GLI2: variants seen among roughly 807,000 people sequenced by gnomAD.
GLI2 encodes transcription activator GLI2.
GLI2 carries 22 observed loss-of-function variants against 78.9 expected under a neutral mutation model. That is an observed-to-expected ratio of 0.28 (90% CI 0.20 to 0.40). GLI2 has a LOEUF of 0.40. Among genes scored for constraint, GLI2 ranks in the 10% least tolerant of loss-of-function variants. GLI2 has a pLI of 1.00. For synonymous variants in GLI2, 974 were observed against 963.7 expected (o/e 1.01, Z -0.20); for missense variants, 2,097 against 2,213.2 (o/e 0.95, Z 1.05).
At chr2:120,870,567 A>G (rs561399778) in intron 2 of GLI2, among the ~76,000 whole-genome samples, 1 of 152,252 alleles carries the variant, frequency 6.6e-6, no homozygotes, top group African/African-American at 2.4e-5. Context: ...TGCCAGTGAC[A>G]CCTGCCGGAA....
At chr2:120,919,908 G>T (rs1679286093) in intron 2 of GLI2, among the ~76,000 whole-genome samples, 1 of 152,218 alleles carries the variant, frequency 6.6e-6, no homozygotes, top group South Asian at 2.1e-4. Context: ...TCCTTCCCGG[G>T]CCCACAAGCT....
chr2:120,971,735 G>A (rs931539603), intron 7 of GLI2, among the ~76,000 whole-genome samples: 1 of 152,220 alleles, frequency 6.6e-6, no homozygotes, highest in Non-Finnish European at 1.5e-5. Flanking sequence ...AGAGATGGGG[G>A]TTGGCATGCC....
chr2:120,972,599 G>A, intron 8 of GLI2: 1 of 516,724 alleles, frequency 1.9e-6, no homozygotes, highest in Admixed American at 1.9e-5. Flanking sequence ...CTCCCTGTCT[G>A]CACTCTAAGC....
intron 3 of GLI2, among the ~76,000 whole-genome samples, chr2:120,940,365 C>A (rs1208437804): frequency 6.6e-6 from 1 of 152,142 alleles, no homozygotes; most frequent in Non-Finnish European, 1.5e-5. Flanking sequence ...AGCCTCTGGA[C>A]TATAGTGGTT....
intron 5 of GLI2, among the ~76,000 whole-genome samples, chr2:120,963,913 C>A (rs1181705699): frequency 6.6e-6 from 1 of 152,234 alleles, no homozygotes; most frequent in Admixed American, 6.5e-5. Context: ...TGAGTAAGTG[C>A]TGTGTTTAGG....
intron 2 of GLI2, among the ~76,000 whole-genome samples, chr2:120,860,109 G>C (rs541241496): frequency 6.6e-6 from 1 of 152,300 alleles, no homozygotes; most frequent in East Asian, 1.9e-4. Flanking sequence ...TCCTGGCTGT[G>C]GTGTGAGGGT....
At position 120,846,110 on chromosome 2, in the gene GLI2, G is replaced by C. The variant is rs563730067; in HGVS notation, c.148+48642G>C. On this transcript the variant is annotated intron_variant, in intron 2 of 13. Coordinates refer to ENST00000361492, the MANE Select transcript of GLI2 (RefSeq NM_001374353.1). ...ACCTACTCGTGTGTTGTCATTTGTGGAGTGGGCCTGGTTTAGATCTCCCCC... is the reference window on the plus strand; with the variant it reads ...ACCTACTCGTGTGTTGTCATTTGTGCAGTGGGCCTGGTTTAGATCTCCCCC... Among the ~76,000 whole-genome samples, 312 of 152,294 alleles carry C rather than the reference G, an allele frequency of 2.0e-3. 1 individual carries two copies. Among genetic ancestry groups the C allele is most frequent in the African/African-American group, 7.1e-3 (296 of 41,566 alleles).
Position 120,760,543 on chromosome 2 carries a change from T to G in GLI2, c.-31+24258T>G, listed in dbSNP as rs149060633. On this transcript the variant is annotated intron_variant, in intron 1 of 13. Transcript: ENST00000361492. The stretch of plus-strand genomic sequence containing the variant: ...TTGTATGTAGAGACATATGTTTAGA[T>G]GTTTCTGGGGAGGTGACCACATTTG... Among the ~76,000 whole-genome samples, 475 of 152,262 alleles carry G rather than the reference T, an allele frequency of 3.1e-3. 1 individual carries two copies. Among genetic ancestry groups the G allele is most frequent in the African/African-American group, 0.011 (446 of 41,534 alleles).
At chr2:120,969,499 G>A (rs898952562) in intron 6 of GLI2, among the ~76,000 whole-genome samples, 1 of 152,250 alleles carries the variant, frequency 6.6e-6, no homozygotes, top group African/African-American at 2.4e-5. Context: ...CAACGACCTG[G>A]AGATGGAAGG....
chr2:120,782,556 G>A (rs1683879518), intron 1 of GLI2, among the ~76,000 whole-genome samples: 1 of 152,244 alleles, frequency 6.6e-6, no homozygotes, highest in Admixed American at 6.5e-5. Context: ...TTCAGATGCA[G>A]TATGCACCAC....
intron 2 of GLI2, among the ~76,000 whole-genome samples, chr2:120,917,326 T>G (rs1336054440): frequency 6.6e-6 from 1 of 152,272 alleles, no homozygotes; most frequent in Non-Finnish European, 1.5e-5. Context: ...CTGTTGAGAC[T>G]GGGGAGTCAT....
intron 2 of GLI2, among the ~76,000 whole-genome samples, chr2:120,811,414 G>A (rs1305405905): frequency 6.6e-6 from 1 of 152,188 alleles, no homozygotes; most frequent in Non-Finnish European, 1.5e-5. Flanking sequence ...AGTGCTCCCT[G>A]AGAAGTGCCA....
chr2:120,830,505 C>T (rs998547837), intron 2 of GLI2, among the ~76,000 whole-genome samples: 2 of 152,242 alleles, frequency 1.3e-5, no homozygotes, highest in Admixed American at 6.5e-5. Flanking sequence ...CAGACATACA[C>T]GGATGCCCAC....
At chr2:120,950,390 T>C (rs1680918226) in intron 3 of GLI2, among the ~76,000 whole-genome samples, 1 of 152,006 alleles carries the variant, frequency 6.6e-6, no homozygotes, top group African/African-American at 2.4e-5. Context: ...AGTTTTGGAG[T>C]AGATTACCTC....
chr2:120,746,041 C>T (rs943196057), intron 1 of GLI2, among the ~76,000 whole-genome samples: 3 of 152,184 alleles, frequency 2.0e-5, no homozygotes, highest in Non-Finnish European at 4.4e-5. Context: ...GCCCCTGGGC[C>T]CGTAGGACCT....
chr2:120,908,371 C>T (rs943462435), intron 2 of GLI2, among the ~76,000 whole-genome samples: 1 of 152,188 alleles, frequency 6.6e-6, no homozygotes, highest in Admixed American at 6.5e-5. Flanking sequence ...CCTCGCCTCC[C>T]CTCTGGTGGG....
chr2:120,740,266 C>T (rs1392573718), intron 1 of GLI2, among the ~76,000 whole-genome samples: 2 of 152,120 alleles, frequency 1.3e-5, no homozygotes, highest in Non-Finnish European at 2.9e-5. Flanking sequence ...TTCATCAGCA[C>T]AGTAATTCTC....
At chr2:120,802,024 T>A (rs1684729923) in intron 2 of GLI2, among the ~76,000 whole-genome samples, 1 of 152,202 alleles carries the variant, frequency 6.6e-6, no homozygotes, top group Admixed American at 6.5e-5. Context: ...GGTCTCCTCA[T>A]GTGTCTTCAT....
chr2:120,831,812 G>A (rs773231201), intron 2 of GLI2, among the ~76,000 whole-genome samples: 40 of 152,318 alleles, frequency 2.6e-4, no homozygotes, highest in Middle Eastern at 3.4e-3. Context: ...TCTGTGGGTT[G>A]TTGTGAGGAT....
Sources: allele counts gnomAD v4.1 joint callset (sites outside exome capture counted in the v4.1 genomes callset), GRCh38; gene constraint gnomAD v4.1.1; transcripts MANE v1.5; gene names NCBI Gene and HGNC (gene_info 2026-07-23, HGNC 2026-07-21).